Variants in KIFAP3 observed in about 807,000 individuals in gnomAD.
The protein encoded by KIFAP3 is kinesin associated protein 3.
A neutral mutation model predicts 106.5 loss-of-function variants in KIFAP3; 68 were observed. The observed-to-expected ratio is 0.64, with a 90% CI of 0.53 to 0.78. The LOEUF (loss-of-function observed/expected upper bound fraction) is 0.78, where lower values mean the gene tolerates loss of function less well. KIFAP3 is among the 30% of genes least tolerant of loss of function. The pLI is 0.00. For synonymous variants in KIFAP3, 320 were observed against 311.5 expected, an observed-to-expected ratio of 1.03 and a Z score of -0.29; for missense variants, 780 against 941.8, an observed-to-expected ratio of 0.83 and a Z score of 2.25.
At chr1:170,010,000 A>T (rs1333106984) in intron 10 of KIFAP3, among the ~76,000 whole-genome samples, 2 of 152,126 alleles carry the variant, frequency 1.3e-5, no homozygotes, top group Non-Finnish European at 2.9e-5. Context: ...TGCTGAAGCC[A>T]ATGGCTATGA....
At chr1:170,074,191 T>G (rs1239535413) in intron 1 of KIFAP3, among the ~76,000 whole-genome samples, 4 of 152,078 alleles carry the variant, frequency 2.6e-5, no homozygotes, top group African/African-American at 9.7e-5. Flanking sequence ...TAAGGTGATG[T>G]AGCGAAGAAA....
Position 170,031,910 on chromosome 1 carries a change from C to A in KIFAP3, c.817G>T (p.Val273Leu). The change falls in exon 8 of 20, where the codon GTA becomes TTA. Residue 273 changes from valine to leucine, a missense_variant. Around this residue, in one of 3 missense-constraint regions of KIFAP3, gnomAD observed 588 missense variants for 678.9 expected, o/e 0.87. Transcript: ENST00000361580. ...CCTCGTAATAGCTGTTCCTGTTTTA[C>A]CACAAGCCCCTGGTACTTTTTAAAG... ...KTFKKYQGLVVKQEQLLRVAL... is the reference protein window; with the variant it reads ...KTFKKYQGLVLKQEQLLRVAL... The A allele has an allele frequency of 1.2e-6, 2 of 1,610,200 alleles. No homozygotes were observed. Among genetic ancestry groups the A allele is most frequent in the Non-Finnish European group, 1.7e-6 (2 of 1,177,256 alleles).
At chr1:169,958,543 AATTT>A (rs1186999257) in intron 18 of KIFAP3, among the ~76,000 whole-genome samples, 3 of 152,208 alleles carry the variant, frequency 2.0e-5, no homozygotes, top group Non-Finnish European at 4.4e-5. Context: ...TCTTATTAAT[AATTT>A]ATTTGACTAT....
intron 10 of KIFAP3, among the ~76,000 whole-genome samples, chr1:170,007,497 G>C (rs1302067382): frequency 2.0e-5 from 3 of 151,904 alleles, no homozygotes; most frequent in East Asian, 3.9e-4. Flanking sequence ...AGAAGTGACA[G>C]TGAAAAATAA....
chr1:169,923,717 A>T (rs944007521), intron 19 of KIFAP3, among the ~76,000 whole-genome samples: 2 of 152,330 alleles, frequency 1.3e-5, no homozygotes, highest in South Asian at 4.1e-4. Flanking sequence ...GCACCTTCAG[A>T]GTATCTCACA....
At chr1:170,071,948 T>C (rs1013252703) in intron 1 of KIFAP3, among the ~76,000 whole-genome samples, 7 of 152,242 alleles carry the variant, frequency 4.6e-5, no homozygotes, top group African/African-American at 1.7e-4. Flanking sequence ...TTTTTTCATA[T>C]AGCACTCATA....
At chr1:170,029,325 A>G (rs988140809) in intron 8 of KIFAP3, among the ~76,000 whole-genome samples, 24 of 152,248 alleles carry the variant, frequency 1.6e-4, no homozygotes, top group African/African-American at 5.1e-4. Context: ...AATAATAGAA[A>G]AAGTACAGAA....
chr1:169,983,271 A>G lies in KIFAP3; in HGVS notation c.1505T>C (p.Ile502Thr), dbSNP rs2101912363. 6.4e-7 allele frequency: 1 copy of G among 1,574,152 alleles called. No homozygotes were observed. The highest frequency in any genetic ancestry group is 8.7e-7 in the Non-Finnish European group (1 of 1,151,062). ...QHDGPTKNLF[I>T]DYVGDLAAQI... is the part of the protein sequence containing the mutation. ...ATAGAAAGCCAAAATGATACTTACA[A>G]TAAACAGATTTTTAGTTGGTCCATC... The change falls in exon 13 of 20, where the codon ATT (isoleucine) becomes ACT (threonine). Residue 502 changes from isoleucine to threonine, a missense_variant and splice_region_variant. By Grantham distance (89) the Ile-to-Thr change is moderately conservative. Around this residue, in one of 3 missense-constraint regions of KIFAP3, gnomAD observed 588 missense variants for 678.9 expected, o/e 0.87. Transcript: ENST00000361580.
At chr1:170,038,675 TAAATG>T (rs1482215576) in intron 4 of KIFAP3, among the ~76,000 whole-genome samples, 1 of 152,244 alleles carries the variant, frequency 6.6e-6, no homozygotes, top group Non-Finnish European at 1.5e-5. Flanking sequence ...TAAAGTATCT[TAAATG>T]TAATAGAAAA....
intron 10 of KIFAP3, among the ~76,000 whole-genome samples, chr1:170,014,470 T>C (rs74513791): frequency 0.023 from 3,451 of 152,174 alleles, 66 homozygotes; most frequent in Middle Eastern, 0.075. Context: ...GCCTCAACTC[T>C]TACTTTATAA....
intron 19 of KIFAP3, among the ~76,000 whole-genome samples, chr1:169,936,813 T>C (rs1663830986): frequency 1.3e-5 from 2 of 151,578 alleles, no homozygotes; most frequent in Admixed American, 6.6e-5. Flanking sequence ...TAATTCTGTT[T>C]CCTCTTAAAA....
intron 10 of KIFAP3, among the ~76,000 whole-genome samples, chr1:169,994,027 A>T (rs1667252413): frequency 6.6e-6 from 1 of 152,266 alleles, no homozygotes; most frequent in Admixed American, 6.5e-5. Flanking sequence ...ATGCAAGAAT[A>T]GTACCTAGCA....
chr1:170,013,069 T>C (rs1206405787), intron 10 of KIFAP3, among the ~76,000 whole-genome samples: 1 of 152,102 alleles, frequency 6.6e-6, no homozygotes, highest in African/African-American at 2.4e-5. Flanking sequence ...CCATTTCCCC[T>C]TCTGCCATGT....
chr1:169,989,956 A>C, intron 11 of KIFAP3: 1 of 1,197,118 alleles, frequency 8.4e-7, no homozygotes, highest in Non-Finnish European at 1.1e-6. Flanking sequence ...TTAGACAAGG[A>C]ATTATGTAGT....
intron 3 of KIFAP3, among the ~76,000 whole-genome samples, chr1:170,041,056 C>T (rs1669950070): frequency 1.3e-5 from 2 of 152,060 alleles, no homozygotes; most frequent in African/African-American, 4.8e-5. Flanking sequence ...ATCTCTTGAC[C>T]TCGTGATCCG....
intron 19 of KIFAP3, among the ~76,000 whole-genome samples, chr1:169,953,576 G>A (rs112603920): frequency 0.013 from 2,032 of 152,082 alleles, 53 homozygotes; most frequent in African/African-American, 0.044. Context: ...GTGCAGTGGC[G>A]TGATCTCGGC....
chr1:170,035,218 C>G (rs996333785), intron 6 of KIFAP3, among the ~76,000 whole-genome samples: 1 of 151,888 alleles, frequency 6.6e-6, no homozygotes, highest in East Asian at 1.9e-4. Flanking sequence ...GCCACTATTA[C>G]TATCCAAATT....
intron 7 of KIFAP3, among the ~76,000 whole-genome samples, chr1:170,033,381 G>A (rs1669513398): frequency 6.6e-6 from 1 of 151,676 alleles, no homozygotes. Context: ...GTCCACTTTT[G>A]CACAAAGCAG....
chr1:170,003,671 T>C (rs1338359108), intron 10 of KIFAP3, among the ~76,000 whole-genome samples: 1 of 152,230 alleles, frequency 6.6e-6, no homozygotes, highest in Non-Finnish European at 1.5e-5. Flanking sequence ...CCTTCAGCTG[T>C]GGTGGGCTCC....
Sources: gnomAD v4.1 joint callset for allele counts (sites outside exome capture counted in the v4.1 genomes callset) on GRCh38, gnomAD v4.1.1 for gene constraint, gnomAD v4.1.1 regional missense constraint, MANE v1.5 for transcripts, NCBI Gene and HGNC (gene_info 2026-07-23, HGNC 2026-07-21) for gene names.